Variants in PRORP observed in about 807,000 individuals in gnomAD.
PRORP encodes mitochondrial ribonuclease P catalytic subunit.
PRORP carries 51 observed loss-of-function variants against 59.4 expected under a neutral mutation model. The observed-to-expected ratio is 0.86, with a 90% CI of 0.69 to 1.08. PRORP has a LOEUF of 1.08. Ranked by LOEUF, PRORP falls within the 50% of genes least tolerant of loss-of-function variation. PRORP has a pLI of 0.00. For missense variants in PRORP, 646 were observed against 690.3 expected, an observed-to-expected ratio of 0.94 and a Z score of 0.72; for synonymous variants, 231 against 245.6, an observed-to-expected ratio of 0.94 and a Z score of 0.55.
intron 4 of PRORP, among the ~76,000 whole-genome samples, chr14:35,169,099 T>C (rs55931137): frequency 6.6e-6 from 1 of 151,570 alleles, no homozygotes; most frequent in African/African-American, 2.4e-5. Flanking sequence ...CTTTTTTTTT[T>C]ATATAAGTAT....
At chr14:35,231,371 A>G (rs993413650) in intron 5 of PRORP, among the ~76,000 whole-genome samples, 2 of 152,182 alleles carry the variant, frequency 1.3e-5, no homozygotes, top group African/African-American at 4.8e-5. Flanking sequence ...CTCAACTAGT[A>G]TATCCTGATA....
rs1378624786 is a variant in PRORP, at chr14:35,181,251, TAATTTA to T, written c.1275+475_1275+480del. On this transcript the variant is annotated intron_variant, in intron 5 of 7. Transcript: ENST00000534898. ...TTTTTTCTATATGGTAGCCATTTGT[TAATTTA>T]TAAATGCCCTACTAGTTTCTAATAA... Among the ~76,000 whole-genome samples, 4 of 152,234 alleles carry T rather than the reference TAATTTA, an allele frequency of 2.6e-5. No individual in the cohort carries two copies. The East Asian group carries it at 7.7e-4, about 29-fold the overall frequency.
chr14:35,141,461 T>C (rs1212619580), intron 4 of PRORP, among the ~76,000 whole-genome samples: 1 of 143,998 alleles, frequency 6.9e-6, no homozygotes, highest in Non-Finnish European at 1.5e-5. Context: ...AGAGACGGGG[T>C]CTCACTATGT....
At chr14:35,157,042 G>A (rs779990776) in intron 4 of PRORP, among the ~76,000 whole-genome samples, 246 of 147,244 alleles carry the variant, frequency 1.7e-3, no homozygotes, top group Non-Finnish European at 3.1e-3. Flanking sequence ...TGCAAGCTCC[G>A]TCTCCTGGGT....
intron 6 of PRORP, among the ~76,000 whole-genome samples, chr14:35,268,690 G>A (rs905920255): frequency 1.3e-5 from 2 of 152,084 alleles, no homozygotes; most frequent in Non-Finnish European, 2.9e-5. Context: ...CCACCTCCCG[G>A]GTTCAAGCGA....
chr14:35,267,760 A>G (rs1378815148), intron 6 of PRORP, among the ~76,000 whole-genome samples: 1 of 151,554 alleles, frequency 6.6e-6, no homozygotes, highest in Non-Finnish European at 1.5e-5. Context: ...CAGCCTGGGC[A>G]ACAGTGCGAG....
intron 5 of PRORP, among the ~76,000 whole-genome samples, chr14:35,247,429 A>T (rs1432228278): frequency 6.6e-6 from 1 of 152,214 alleles, no homozygotes; most frequent in African/African-American, 2.4e-5. Flanking sequence ...CAGAAAACAG[A>T]ATCCATAACC....
rs2050807829 is a variant in PRORP, at chr14:35,258,225, C to T, written c.1276-8502C>T. Among the ~76,000 whole-genome samples the T allele has an allele frequency of 2.6e-5, 4 of 152,242 alleles. No homozygotes were observed. In the South Asian group the frequency reaches 8.3e-4, roughly 32 times the overall value. On this transcript the variant is annotated intron_variant, in intron 5 of 7. Coordinates refer to ENST00000534898, the MANE Select transcript of PRORP (RefSeq NM_014672.4). ...CAGGCTGGTCTCGAACTCCTGAGTT[C>T]AAGAGATCCTCCCACCTCAGCCTCT...
Position 35,141,459 on chromosome 14 carries a change from G to A in PRORP, c.1167+13848G>A. On this transcript the variant is annotated intron_variant, in intron 4 of 7. Coordinates refer to ENST00000534898, the MANE Select transcript of PRORP (RefSeq NM_014672.4). ...ATTTTAATTTTTTCTGTAGAGACGGGGTCTCACTATGTTGCCTAGGCTGGT... is the reference window on the plus strand; with the variant it reads ...ATTTTAATTTTTTCTGTAGAGACGGAGTCTCACTATGTTGCCTAGGCTGGT... Among the ~76,000 whole-genome samples the A allele has an allele frequency of 1.4e-5, 2 of 143,230 alleles. 1 individual carries two copies. Among genetic ancestry groups the A allele is most frequent in the Admixed American group, 1.5e-4 (2 of 13,566 alleles). The allele number at this position is 143,230 out of a possible 152,430, so 94.0% of individuals were successfully genotyped here. A position where few individuals can be genotyped will look rare whatever the true frequency, so the allele number is the denominator to read the frequency against.
chr14:35,239,117 G>C (rs2138532809), intron 5 of PRORP, among the ~76,000 whole-genome samples: 1 of 152,208 alleles, frequency 6.6e-6, no homozygotes, highest in African/African-American at 2.4e-5. Context: ...AGCACTTTAG[G>C]AGGCGAGGCG....
chr14:35,205,542 G>A (rs776399102), intron 5 of PRORP, among the ~76,000 whole-genome samples: 1 of 151,998 alleles, frequency 6.6e-6, no homozygotes, highest in African/African-American at 2.4e-5. Flanking sequence ...GGCTGGTCTC[G>A]AACTCCTGGG....
rs367771149 is a variant in PRORP, at chr14:35,263,007, A to G, written c.1276-3720A>G. The G allele has an allele frequency of 6.3e-6, 10 of 1,596,136 alleles. No homozygotes were observed. The East Asian group carries it at 2.0e-4, about 32-fold the overall frequency. On this transcript the variant is annotated intron_variant, in intron 5 of 7. Transcript: ENST00000534898. ...TTTGGATGGTATCTATGTCTCTGAA[A>G]AAGGAACTGTTCAGCCGGCTGATGA... is the stretch of plus-strand genomic sequence containing the variant.
chr14:35,130,577 G>T (rs1328616604), intron 4 of PRORP, among the ~76,000 whole-genome samples: 1 of 151,256 alleles, frequency 6.6e-6, no homozygotes, highest in Non-Finnish European at 1.5e-5. Flanking sequence ...CGCCCCCACT[G>T]GGTTCAAGTG....
At chr14:35,161,713 G>T (rs1390835144) in intron 4 of PRORP, among the ~76,000 whole-genome samples, 1 of 152,098 alleles carries the variant, frequency 6.6e-6, no homozygotes, top group Admixed American at 6.6e-5. Context: ...AAAGGAAGAA[G>T]AGTGGGATTA....
chr14:35,249,521 T>A (rs1173242199), intron 5 of PRORP, among the ~76,000 whole-genome samples: 1 of 151,832 alleles, frequency 6.6e-6, no homozygotes, highest in Non-Finnish European at 1.5e-5. Flanking sequence ...CCTGGGAGAG[T>A]GAGACCACAA....
At chr14:35,133,900 C>T (rs1372780226) in intron 4 of PRORP, among the ~76,000 whole-genome samples, 1 of 152,246 alleles carries the variant, frequency 6.6e-6, no homozygotes, top group East Asian at 1.9e-4. Flanking sequence ...CTTGTGGCCA[C>T]CACCACTAGA....
intron 4 of PRORP, chr14:35,158,100 CT>C (rs542590849): frequency 0.05 from 11,611 of 232,072 alleles, 64 homozygotes; most frequent in East Asian, 0.068. Context: ...AGTTTTTGAA[CT>C]TTTTTTTTTT....
At chr14:35,209,401 A>G (rs2049379634) in intron 5 of PRORP, among the ~76,000 whole-genome samples, 1 of 152,178 alleles carries the variant, frequency 6.6e-6, no homozygotes, top group Admixed American at 6.5e-5. Context: ...TTAGCAGACA[A>G]ATTTCCTAAT....
intron 5 of PRORP, among the ~76,000 whole-genome samples, chr14:35,248,023 A>G (rs1400025932): frequency 6.6e-6 from 1 of 152,156 alleles, no homozygotes; most frequent in Non-Finnish European, 1.5e-5. Context: ...TGAGCAGGAA[A>G]CATCCCACAC....
Sources: gnomAD v4.1 joint callset for allele counts (sites outside exome capture counted in the v4.1 genomes callset) on GRCh38, gnomAD v4.1.1 for gene constraint, MANE v1.5 for transcripts, NCBI Gene and HGNC (gene_info 2026-07-23, HGNC 2026-07-21) for gene names.